ARAP2: variants seen among roughly 807,000 people sequenced by gnomAD.
ARAP2 encodes ArfGAP with RhoGAP domain, ankyrin repeat and PH domain 2, also known as arf-GAP with Rho-GAP domain, ANK repeat and PH domain-containing protein 2.
Under a neutral mutation model 194.5 loss-of-function variants are expected in ARAP2, and 148 were observed. The observed-to-expected ratio is 0.76, with a 90% confidence interval of 0.67 to 0.87. ARAP2 has a LOEUF of 0.87. ARAP2 is among the 40% of genes least tolerant of loss of function. The pLI, the probability that ARAP2 is intolerant of heterozygous loss-of-function variation, is 0.00. For synonymous variants in ARAP2, 695 were observed against 683.5 expected (o/e 1.02, Z -0.26); for missense variants, 2,128 against 1,989.7 (o/e 1.07, Z -1.32).
At chr4:36,094,358 A>C (rs1026970899) in intron 27 of ARAP2, among the ~76,000 whole-genome samples, 2 of 152,174 alleles carry the variant, frequency 1.3e-5, no homozygotes, top group Non-Finnish European at 2.9e-5. Flanking sequence ...CAGAGACCTT[A>C]TGGCTTACAA....
chr4:36,052,638 G>A (rs1722852240), intron 2 of ARAP2, among the ~76,000 whole-genome samples: 1 of 152,098 alleles, frequency 6.6e-6, no homozygotes, highest in Non-Finnish European at 1.5e-5. Flanking sequence ...ACTTTTTAAT[G>A]AACACCCCAA....
intron 19 of ARAP2, among the ~76,000 whole-genome samples, chr4:36,135,366 A>G (rs146180014): frequency 4.2e-4 from 64 of 151,932 alleles, no homozygotes; most frequent in African/African-American, 1.5e-3. Flanking sequence ...TGCTCCTGTA[A>G]GAAGACAAAG....
intron 3 of ARAP2, among the ~76,000 whole-genome samples, chr4:36,214,014 A>T (rs1290312417): frequency 6.6e-6 from 1 of 152,190 alleles, no homozygotes; most frequent in African/African-American, 2.4e-5. Context: ...TTTCAAAATG[A>T]AAGAAAAGCC....
chr4:36,124,985 A>C lies in ARAP2; in HGVS notation c.3641-18T>G, dbSNP rs577604800. On this transcript the variant is annotated intron_variant, in intron 21 of 32. Transcript: ENST00000303965. ...TTGCGTATCTGAAGGGGAAAAAAAA[A>C]CAATCTTGAGATCTAAACTAATTAT... The C allele has an allele frequency of 1.6e-5, 24 of 1,499,792 alleles. 1 individual carries two copies. The South Asian group carries it at 2.4e-4, about 15-fold the overall frequency. 92.9% of individuals were successfully genotyped at this position (1,499,792 alleles called of 1,614,324 possible).
chr4:36,165,266 T>A (rs1380400103), intron 10 of ARAP2, among the ~76,000 whole-genome samples, 153 bp from the exon 11 acceptor site: 3 of 152,234 alleles, frequency 2.0e-5, no homozygotes, highest in African/African-American at 7.2e-5. Flanking sequence ...CTGTTAAAAA[T>A]CATTTAACTT....
In ARAP2 at chr4:36,151,775, C is replaced by T. The variant is rs568376854; in HGVS notation, c.2753-731G>A. 4.1e-4 allele frequency among the ~76,000 whole-genome samples: 62 copies of T among 152,056 alleles called. 1 individual carries two copies. In the Middle Eastern group the frequency reaches 0.014, roughly 33 times the overall value. ...ATATAAAGTGTGAGATAAATATATA[C>T]CCGTATATACATACATATGATACAT... On this transcript the variant is annotated intron_variant, in intron 15 of 32. Coordinates refer to ENST00000303965, the MANE Select transcript of ARAP2 (RefSeq NM_015230.4).
At chr4:36,241,509 C>T (rs1443346025) in intron 1 of ARAP2, among the ~76,000 whole-genome samples, 1 of 152,098 alleles carries the variant, frequency 6.6e-6, no homozygotes, top group African/African-American at 2.4e-5. Flanking sequence ...CATTTGACAA[C>T]AGTGCTAAGG....
chr4:36,088,447 G>A (rs777838573), intron 28 of ARAP2, among the ~76,000 whole-genome samples: 9 of 151,956 alleles, frequency 5.9e-5, no homozygotes, highest in Non-Finnish European at 1.2e-4. Context: ...ATAATTCTAT[G>A]AAATCTACTA....
chr4:36,025,851 T>G (rs776168036), intron 5 of ARAP2, among the ~76,000 whole-genome samples: 4 of 152,058 alleles, frequency 2.6e-5, no homozygotes, highest in Non-Finnish European at 4.4e-5. Flanking sequence ...ATGTTCATGA[T>G]TTTTTTCCCC....
chr4:36,198,359 C>T (rs1743610373), intron 6 of ARAP2, among the ~76,000 whole-genome samples: 1 of 152,196 alleles, frequency 6.6e-6, no homozygotes, highest in Admixed American at 6.5e-5. Flanking sequence ...CCAGAAAAGG[C>T]ACCACAAGTT....
intron 19 of ARAP2, among the ~76,000 whole-genome samples, chr4:36,135,229 C>A (rs1239665477): frequency 6.6e-6 from 1 of 151,754 alleles, no homozygotes; most frequent in Non-Finnish European, 1.5e-5. Flanking sequence ...CGCATGAATT[C>A]TGGGGCTTTG....
At chr4:36,148,305 C>A in intron 17 of ARAP2, 100 bp downstream of exon 17, 2 of 805,500 alleles carry the variant, frequency 2.5e-6, no homozygotes, top group South Asian at 2.1e-5. Flanking sequence ...TTTATTCCTA[C>A]AATCTTATAT....
Position 36,117,044 on chromosome 4 carries a change from C to A in ARAP2, c.4038+17G>T. ...TGACTTCCAACAGTCCTCTTTACAT[C>A]CACCTTTAGAACTTACCCGAATTAT... On this transcript the variant is annotated intron_variant, in intron 25 of 32. Transcript: ENST00000303965. 6.5e-7 allele frequency: 1 copy of A among 1,533,162 alleles called. No homozygotes were observed. 95.0% of individuals were successfully genotyped at this position (1,533,162 alleles called of 1,614,324 possible). A position where few individuals can be genotyped will look rare whatever the true frequency, so the allele number is the denominator to read the frequency against.
At chr4:36,208,622 C>T (rs1454524384) in intron 6 of ARAP2, among the ~76,000 whole-genome samples, 4 of 152,218 alleles carry the variant, frequency 2.6e-5, no homozygotes, top group African/African-American at 4.8e-5. Flanking sequence ...ATCTTAAACC[C>T]TCACAATAGC....
intron 19 of ARAP2, among the ~76,000 whole-genome samples, chr4:36,134,859 C>T (rs961967821): frequency 7.9e-5 from 12 of 151,586 alleles, no homozygotes; most frequent in Non-Finnish European, 1.8e-4. Flanking sequence ...TAACACTGTT[C>T]CTGATCTCCC....
chr4:36,169,408 T>C (rs1305666757), intron 9 of ARAP2, among the ~76,000 whole-genome samples: 2 of 152,296 alleles, frequency 1.3e-5, no homozygotes, highest in South Asian at 2.1e-4. Context: ...CCTGCATGAA[T>C]AGATGGCTGC....
At chr4:36,014,351 A>G (rs530845066) in intron 8 of ARAP2, among the ~76,000 whole-genome samples, 3 of 139,746 alleles carry the variant, frequency 2.1e-5, no homozygotes, top group East Asian at 1.9e-4. Flanking sequence ...AGAAAGAAAG[A>G]AAGAAAGAAA....
In ARAP2 at chr4:36,167,014, G is replaced by C; in HGVS notation, c.1891C>G (p.Pro631Ala). The C allele has an allele frequency of 6.2e-7, 1 of 1,601,706 alleles. No individual in the cohort carries two copies. Among genetic ancestry groups the C allele is most frequent in the Non-Finnish European group, 8.5e-7 (1 of 1,175,166 alleles). The change falls in exon 10 of 33, where the codon CCT becomes GCT. Residue 631 changes from proline to alanine, a missense_variant. By Grantham distance (27) the Pro-to-Ala change is conservative (BLOSUM62 -1). Transcript: ENST00000303965. The part of the protein sequence containing the change: ...FKSGLGITII[P>A]MNVANVKQVD... ...TGCTTTACATTTGCTACATTCATAG[G>C]AATTATGGTAATACCAAGTCCACTC...
chr4:36,023,620 C>T (rs1374310040), intron 5 of ARAP2, among the ~76,000 whole-genome samples: 2 of 152,164 alleles, frequency 1.3e-5, no homozygotes, highest in African/African-American at 2.4e-5. Context: ...TACTGTACCA[C>T]ATGTTAGTGT....
Sources: gnomAD v4.1 joint callset for allele counts (sites outside exome capture counted in the v4.1 genomes callset) on GRCh38, gnomAD v4.1.1 for gene constraint, MANE v1.5 for transcripts, NCBI Gene and HGNC (gene_info 2026-07-23, HGNC 2026-07-21) for gene names.